The following PRICKLE2 variants were observed in gnomAD, a reference collection of about 807,000 sequenced individuals.
The protein encoded by PRICKLE2 is prickle planar cell polarity protein 2.
A neutral mutation model predicts 81.4 loss-of-function variants in PRICKLE2; 21 were observed. The ratio of observed to expected loss-of-function variants is 0.26; its 90% CI spans 0.18 to 0.37. The LOEUF (loss-of-function observed/expected upper bound fraction) is 0.37, where lower values mean the gene tolerates loss of function less well. Ranked by LOEUF, PRICKLE2 falls within the 10% of genes least tolerant of loss-of-function variation. PRICKLE2 has a pLI of 1.00. For missense variants in PRICKLE2, 940 were observed against 1,109.0 expected (o/e 0.85, Z 2.16); for synonymous variants, 456 against 421.5 (o/e 1.08, Z -1.00).
In PRICKLE2 at chr3:64,146,982, T is replaced by A. The variant is rs1290557931; in HGVS notation, c.1508A>T (p.Tyr503Phe). ...ETRGSIQVPK[Y>F]EEEEEEEGGL... Reference sequence around the variant, plus strand: ...CCCTTCCTCTTCCTCTTCCTCCTCATATTTGGGGACTTGGATGCTGCCTCG... The same window carrying A: ...CCCTTCCTCTTCCTCTTCCTCCTCAAATTTGGGGACTTGGATGCTGCCTCG... Residue 503 changes from tyrosine (Y) to phenylalanine (F), a missense_variant, in exon 7 of 8, where the codon TAT (tyrosine) becomes TTT (phenylalanine). Tyr to Phe is a conservative substitution (Grantham distance 22). Transcript: ENST00000638394. The A allele has an allele frequency of 6.2e-7, 1 of 1,614,108 alleles. No individual in the cohort carries two copies.
intron 2 of PRICKLE2, among the ~76,000 whole-genome samples, chr3:64,247,360 T>A (rs2079372943): frequency 6.6e-6 from 1 of 152,202 alleles, no homozygotes; most frequent in Non-Finnish European, 1.5e-5. Context: ...TTATACTACC[T>A]TTCCATGTAT....
chr3:64,159,942 G>T lies in PRICKLE2; in HGVS notation c.394C>A (p.Gln132Lys). The change falls in exon 4 of 8, where the codon CAG becomes AAG. Residue 132 changes from glutamine (Q) to lysine (K), a missense_variant and splice_region_variant. Gln to Lys is a moderately conservative substitution (Grantham distance 53, BLOSUM62 1). Around this residue, in one of 2 missense-constraint regions of PRICKLE2, gnomAD observed 270 missense variants for 391.8 expected, o/e 0.69. Coordinates refer to ENST00000638394, the MANE Select transcript of PRICKLE2 (RefSeq NM_198859.4). The part of the protein sequence containing the change: ...PVTMTGAICE[Q>K]CGGQINGGDI... The stretch of plus-strand genomic sequence containing the variant: ...CACTCCCCTGAATCCATGCTTACCT[G>T]TTCACAAATAGCTCCTGTCATGGTG... 1 of 1,614,100 alleles carries T rather than the reference G, an allele frequency of 6.2e-7. No individual in the cohort carries two copies. The highest frequency in any genetic ancestry group is 8.5e-7 in the Non-Finnish European group (1 of 1,180,008).
At chr3:64,121,205 G>A (rs1014638238) in intron 7 of PRICKLE2, among the ~76,000 whole-genome samples, 10 of 152,166 alleles carry the variant, frequency 6.6e-5, no homozygotes, top group East Asian at 1.9e-4. Flanking sequence ...AATCCAGCTC[G>A]TGAGCTAAAG....
intron 2 of PRICKLE2, among the ~76,000 whole-genome samples, chr3:64,258,408 C>T (rs1005595012): frequency 6.6e-6 from 1 of 152,122 alleles, no homozygotes; most frequent in Non-Finnish European, 1.5e-5. Context: ...TACAACTATA[C>T]ACAAGAAAAC....
At chr3:64,239,635 G>T (rs1052214948) in intron 2 of PRICKLE2, among the ~76,000 whole-genome samples, 2 of 152,206 alleles carry the variant, frequency 1.3e-5, no homozygotes, top group Non-Finnish European at 2.9e-5. Context: ...CAGATTTATA[G>T]GTGACATTTA....
chr3:64,122,442 G>T (rs963327419), intron 7 of PRICKLE2, among the ~76,000 whole-genome samples: 6 of 152,154 alleles, frequency 3.9e-5, no homozygotes, highest in Non-Finnish European at 7.3e-5. Context: ...TAGTGAACCA[G>T]AACTTCTGGG....
chr3:64,260,595 CTTATGGGT>C (rs1229283144), intron 2 of PRICKLE2, among the ~76,000 whole-genome samples: 1 of 152,194 alleles, frequency 6.6e-6, no homozygotes, highest in Non-Finnish European at 1.5e-5. Flanking sequence ...TAAACCATGG[CTTATGGGT>C]TTTCAGAAAT....
At chr3:64,235,221 T>C (rs2079162918) in intron 2 of PRICKLE2, among the ~76,000 whole-genome samples, 1 of 152,256 alleles carries the variant, frequency 6.6e-6, no homozygotes, top group Non-Finnish European at 1.5e-5. Context: ...TTCATTTTTA[T>C]AATTCTTTTC....
intron 1 of PRICKLE2, chr3:64,200,931 T>C (rs1041206789): frequency 1.8e-5 from 2 of 110,424 alleles, no homozygotes; most frequent in African/African-American, 1.1e-4. Context: ...ATGTTTTTAA[T>C]TTTTTTTTTT....
intron 2 of PRICKLE2, among the ~76,000 whole-genome samples, chr3:64,179,036 T>TTTCTTTC (rs1559559719): frequency 7.4e-6 from 1 of 134,432 alleles, no homozygotes; most frequent in African/African-American, 2.8e-5. Flanking sequence ...TCTTTCTTTC[T>TTTCTTTC]TTTCTTTCCT....
At chr3:64,110,841 G>A (rs2076833066) in intron 7 of PRICKLE2, among the ~76,000 whole-genome samples, 1 of 151,000 alleles carries the variant, frequency 6.6e-6, no homozygotes, top group African/African-American at 2.4e-5. Flanking sequence ...TCCACTCTGG[G>A]TTTTAAAAGT....
At chr3:64,233,119 G>C (rs913484567) in intron 2 of PRICKLE2, among the ~76,000 whole-genome samples, 23 of 152,182 alleles carry the variant, frequency 1.5e-4, no homozygotes, top group African/African-American at 5.5e-4. Context: ...CCAGCCCTTG[G>C]CAAATCCCGT....
chr3:64,209,438 ATATC>A (rs2078750405), intron 1 of PRICKLE2, among the ~76,000 whole-genome samples: 1 of 151,996 alleles, frequency 6.6e-6, no homozygotes, highest in Non-Finnish European at 1.5e-5. Context: ...AAATACATCC[ATATC>A]TATCAATCCA....
chr3:64,136,346 C>T (rs2077278903), intron 7 of PRICKLE2, among the ~76,000 whole-genome samples: 2 of 151,442 alleles, frequency 1.3e-5, no homozygotes, highest in South Asian at 4.2e-4. Flanking sequence ...ACTTAGTGAA[C>T]CTATGAGTTC....
intron 2 of PRICKLE2, chr3:64,163,735 CACA>C (rs1372861422): frequency 6.1e-6 from 1 of 163,124 alleles, no homozygotes; most frequent in East Asian, 1.7e-4. Context: ...TTGCACATCC[CACA>C]ACATTCCTGT....
At chr3:64,141,509 G>A (rs1053163873) in intron 7 of PRICKLE2, among the ~76,000 whole-genome samples, 39 of 152,186 alleles carry the variant, frequency 2.6e-4, no homozygotes, top group Admixed American at 1.6e-3. Context: ...CTATGATTAC[G>A]CAGGCTGCAA....
rs375448087 is a variant in PRICKLE2 at position 64,099,898 on chromosome 3, C to A, written c.1688G>T (p.Arg563Leu). 1 of 1,614,150 alleles carries A rather than the reference C, an allele frequency of 6.2e-7. No homozygotes were observed. Among genetic ancestry groups the A allele is most frequent in the South Asian group, 1.1e-5 (1 of 91,074 alleles). The stretch of plus-strand genomic sequence containing the variant: ...GGAAAATCGGGATAGGTGCTCCTGG[C>A]GCTTGGCACCACCATCAGCAGAGAG... ...TGLSADGGAK[R>L]QEHLSRFSMP... The change falls in exon 8 of 8, where the codon CGC (arginine) becomes CTC (leucine). Residue 563 changes from arginine (R) to leucine (L), a missense_variant. Coordinates refer to ENST00000638394, the MANE Select transcript of PRICKLE2 (RefSeq NM_198859.4). This position sits in a 1 kb window ranked among gnomAD's most constrained non-coding sequence, Gnocchi z 4.3.
Position 64,163,111 on chromosome 3 carries a change from A to T in PRICKLE2, c.163T>A (p.Cys55Ser), listed in dbSNP as rs781210176. Reference sequence around the variant, plus strand: ...TAAGGGACTTTCTCTTCTGGGAGACAGCTATAGTACTGGTGTACCTGAAGG... The same window carrying T: ...TAAGGGACTTTCTCTTCTGGGAGACTGCTATAGTACTGGTGTACCTGAAGG... ...KPEQVHQYYS[C>S]LPEEKVPYVN... Residue 55 changes from cysteine to serine, a missense_variant, in exon 3 of 8, where the codon TGT (cysteine) becomes AGT (serine). Cys to Ser is a moderately radical substitution (Grantham distance 112, BLOSUM62 -1). Coordinates refer to ENST00000638394, the MANE Select transcript of PRICKLE2 (RefSeq NM_198859.4). 15 of 1,609,704 alleles carry T rather than the reference A, an allele frequency of 9.3e-6. No homozygotes were observed. In the Admixed American group the frequency reaches 2.2e-4, roughly 23 times the overall value.
intron 2 of PRICKLE2, chr3:64,190,144 T>C (rs2078305952): frequency 6.6e-6 from 1 of 152,270 alleles, no homozygotes. Context: ...CTCTGCATAG[T>C]AGGCTTCTTC....
Sources: gnomAD v4.1 joint callset for allele counts (sites outside exome capture counted in the v4.1 genomes callset) on GRCh38, gnomAD v4.1.1 for gene constraint, gnomAD v4.1.1 regional missense constraint, Gnocchi (gnomAD v3.1) non-coding constraint, MANE v1.5 for transcripts, NCBI Gene and HGNC (gene_info 2026-07-23, HGNC 2026-07-21) for gene names.